MAGI1: variants seen among roughly 807,000 people sequenced by gnomAD.
The protein encoded by MAGI1 is membrane-associated guanylate kinase, WW and PDZ domain-containing protein 1.
MAGI1 carries 58 observed loss-of-function variants against 139.9 expected under a neutral mutation model. The observed-to-expected ratio is 0.41, with a 90% confidence interval of 0.34 to 0.52. The LOEUF is 0.52. MAGI1 is among the 20% of genes least tolerant of loss of function. The pLI, the probability that MAGI1 is intolerant of heterozygous loss-of-function variation, is 0.12. For missense variants in MAGI1, 1,874 were observed against 1,901.6 expected (o/e 0.99, Z 0.27); for synonymous variants, 812 against 737.9 (o/e 1.10, Z -1.63).
At chr3:65,693,784 C>T (rs976114192) in intron 1 of MAGI1, among the ~76,000 whole-genome samples, 7 of 152,154 alleles carry the variant, frequency 4.6e-5, no homozygotes, top group Admixed American at 1.3e-4. Flanking sequence ...AGTGCAGTGG[C>T]ACGATCTTGA....
At chr3:65,813,142 A>G (rs899905441) in intron 1 of MAGI1, among the ~76,000 whole-genome samples, 1 of 152,174 alleles carries the variant, frequency 6.6e-6, no homozygotes, top group African/African-American at 2.4e-5. Context: ...AAGAATCCAA[A>G]AGGAGTGAGA....
intron 1 of MAGI1, among the ~76,000 whole-genome samples, chr3:65,693,406 A>G (rs73129872): frequency 0.12 from 18,209 of 152,226 alleles, 1,657 homozygotes; most frequent in East Asian, 0.43. Context: ...CCTTGTCCAC[A>G]GTGCCCCCAT....
At chr3:65,472,762 A>G (rs1275456069) in intron 4 of MAGI1, among the ~76,000 whole-genome samples, 2 of 152,210 alleles carry the variant, frequency 1.3e-5, no homozygotes, top group African/African-American at 4.8e-5. Flanking sequence ...AGTGCCAGAC[A>G]GTTTGTGCCC....
chr3:65,356,569 C>A lies in MAGI1; in HGVS notation c.4198G>T (p.Asp1400Tyr), dbSNP rs370430462. The change falls in exon 23 of 23, where the codon GAC (aspartate) becomes TAC (tyrosine). Residue 1400 changes from aspartate to tyrosine, a missense_variant. Coordinates refer to ENST00000402939, the MANE Select transcript of MAGI1 (RefSeq NM_001033057.2). ...TCGGGGGAGCGTGCGCGCCTCCGGT[C>A]GGTGGACTTGGCCCTGCGCTCGGGC... ...GSPERRAKST[D>Y]RRRARSPERR... The A allele has an allele frequency of 1.9e-6, 3 of 1,606,306 alleles. No homozygotes were observed. Among genetic ancestry groups the A allele is most frequent in the Admixed American group, 1.7e-5 (1 of 59,040 alleles).
At chr3:65,387,103 A>C (rs376395120) in intron 14 of MAGI1, 1 of 1,538,146 alleles carries the variant, frequency 6.5e-7, no homozygotes, top group Non-Finnish European at 9.0e-7. Context: ...AAACAAGATG[A>C]ATGAAAACGG....
chr3:65,934,944 C>G (rs978480792), intron 1 of MAGI1, among the ~76,000 whole-genome samples: 3 of 151,908 alleles, frequency 2.0e-5, no homozygotes, highest in African/African-American at 7.3e-5. Context: ...CAGTAAAGAA[C>G]AACACAGATA....
At chr3:65,792,856 C>T (rs996457350) in intron 1 of MAGI1, among the ~76,000 whole-genome samples, 10 of 152,182 alleles carry the variant, frequency 6.6e-5, no homozygotes, top group East Asian at 5.8e-4. Flanking sequence ...ACTGACACCA[C>T]GGAAAGCAAA....
intron 1 of MAGI1, among the ~76,000 whole-genome samples, chr3:65,825,228 G>A (rs1327110622): frequency 6.6e-6 from 1 of 152,172 alleles, no homozygotes; most frequent in East Asian, 1.9e-4. Flanking sequence ...TTGGCCCATG[G>A]CACATTCTTT....
intron 2 of MAGI1, among the ~76,000 whole-genome samples, chr3:65,578,923 A>AGAGAGAGAGAC (rs1559688103): frequency 2.7e-5 from 4 of 145,656 alleles, no homozygotes; most frequent in African/African-American, 7.7e-5. Flanking sequence ...TCTGTCTCCA[A>AGAGAGAGAGAC]AGAGAGAGAG....
intron 5 of MAGI1, among the ~76,000 whole-genome samples, chr3:65,462,155 G>C (rs1327733360): frequency 6.6e-6 from 1 of 152,004 alleles, no homozygotes; most frequent in Non-Finnish European, 1.5e-5. Context: ...GGCTTTTGTT[G>C]CCATTGCTTT....
At chr3:65,975,915 A>C (rs941799239) in intron 1 of MAGI1, among the ~76,000 whole-genome samples, 1 of 152,210 alleles carries the variant, frequency 6.6e-6, no homozygotes, top group African/African-American at 2.4e-5. Context: ...AAAATACTTC[A>C]AATTATATTT....
chr3:65,798,224 A>G (rs1480812324), intron 1 of MAGI1, among the ~76,000 whole-genome samples: 1 of 152,076 alleles, frequency 6.6e-6, no homozygotes, highest in African/African-American at 2.4e-5. Flanking sequence ...GAATCACTTG[A>G]ACCCGGGAGA....
intron 2 of MAGI1, among the ~76,000 whole-genome samples, chr3:65,590,660 T>A (rs1466096514): frequency 6.6e-6 from 1 of 152,166 alleles, no homozygotes; most frequent in African/African-American, 2.4e-5. Flanking sequence ...ATATATTACA[T>A]CCTTGCAGAG....
At chr3:65,899,577 CTACAGA>C (rs2061131552) in intron 1 of MAGI1, among the ~76,000 whole-genome samples, 1 of 152,134 alleles carries the variant, frequency 6.6e-6, no homozygotes, top group Non-Finnish European at 1.5e-5. Flanking sequence ...ATAAAAATCC[CTACAGA>C]CAACAATACC....
chr3:65,759,065 C>CAAAAAAAAAAAAAAAAAAAAAAAAAAAAA (rs200497203), intron 1 of MAGI1, among the ~76,000 whole-genome samples: 2 of 73,082 alleles, frequency 2.7e-5, no homozygotes, highest in African/African-American at 1.1e-4. Context: ...AGGCCCAGTG[C>CAAAAAAAAAAAAAAAAAAAAAAAAAAAAA]AAAAAAAAAA....
chr3:65,403,071 T>C (rs1166884331), intron 12 of MAGI1, among the ~76,000 whole-genome samples: 1 of 152,162 alleles, frequency 6.6e-6, no homozygotes, highest in Non-Finnish European at 1.5e-5. Flanking sequence ...TCAGGCAAAC[T>C]CAGATAGGCA....
chr3:65,394,857 T>C (rs1224705482), intron 13 of MAGI1, among the ~76,000 whole-genome samples: 3 of 152,174 alleles, frequency 2.0e-5, no homozygotes, highest in African/African-American at 4.8e-5. Flanking sequence ...GGCATGAGAA[T>C]ACGTTCACTT....
intron 1 of MAGI1, among the ~76,000 whole-genome samples, chr3:65,772,723 G>A (rs1320342621): frequency 6.6e-6 from 1 of 152,162 alleles, no homozygotes; most frequent in Admixed American, 6.6e-5. Flanking sequence ...GCTCACTGAG[G>A]GCAGTATTGC....
chr3:65,928,558 A>T (rs977260341), intron 1 of MAGI1, among the ~76,000 whole-genome samples: 1 of 152,014 alleles, frequency 6.6e-6, no homozygotes, highest in African/African-American at 2.4e-5. Context: ...ATCTCTCAAC[A>T]TTGTCACGGT....
Sources: gnomAD v4.1 joint callset for allele counts (sites outside exome capture counted in the v4.1 genomes callset) on GRCh38, gnomAD v4.1.1 for gene constraint, MANE v1.5 for transcripts, NCBI Gene and HGNC (gene_info 2026-07-23, HGNC 2026-07-21) for gene names.